Variants in ELK3 observed in about 807,000 individuals in gnomAD.
ELK3 encodes ETS domain-containing protein Elk-3.
In ELK3, 10 loss-of-function variants were observed where a neutral mutation model predicts 28.9. That is an observed-to-expected ratio of 0.35 (90% CI 0.21 to 0.59). The LOEUF is 0.59. ELK3 is among the 20% of genes least tolerant of loss of function. The pLI is 0.82. For synonymous variants in ELK3, 272 were observed against 243.5 expected (o/e 1.12, Z -1.09); for missense variants, 463 against 517.3 (o/e 0.90, Z 1.02).
chr12:96,233,941 G>A (rs377449169), intron 2 of ELK3, among the ~76,000 whole-genome samples: 5 of 152,336 alleles, frequency 3.3e-5, no homozygotes, highest in African/African-American at 1.2e-4. Context: ...TCAGATGGTT[G>A]GAAGCATAAC....
intron 2 of ELK3, among the ~76,000 whole-genome samples, chr12:96,243,913 G>T (rs1322502894): frequency 6.7e-6 from 1 of 148,984 alleles, no homozygotes; most frequent in East Asian, 2.0e-4. Flanking sequence ...GGCTGGGGCA[G>T]AAGAATCGCT....
At chr12:96,204,559 C>T (rs987606620) in intron 1 of ELK3, among the ~76,000 whole-genome samples, 7 of 152,092 alleles carry the variant, frequency 4.6e-5, no homozygotes, top group Admixed American at 1.3e-4. Context: ...TCTCCTTGCA[C>T]GTAATTGTCA....
At chr12:96,209,133 G>T (rs1951559304) in intron 1 of ELK3, among the ~76,000 whole-genome samples, 1 of 152,252 alleles carries the variant, frequency 6.6e-6, no homozygotes, top group Non-Finnish European at 1.5e-5. Context: ...AGACAGGGCA[G>T]ACGTGATGTT....
At chr12:96,235,232 C>T (rs1220708588) in intron 2 of ELK3, among the ~76,000 whole-genome samples, 1 of 136,720 alleles carries the variant, frequency 7.3e-6, no homozygotes, top group Non-Finnish European at 1.6e-5. Flanking sequence ...TCTTCTCAGG[C>T]CCCCTCCTTC....
chr12:96,229,741 A>G (rs555178933), intron 2 of ELK3, among the ~76,000 whole-genome samples: 4 of 151,924 alleles, frequency 2.6e-5, no homozygotes, highest in Non-Finnish European at 5.9e-5. Context: ...TATGTTGGCC[A>G]GGCTGGTTTT....
intron 3 of ELK3, among the ~76,000 whole-genome samples, chr12:96,251,734 C>T (rs956571146): frequency 6.6e-6 from 1 of 152,182 alleles, no homozygotes; most frequent in Non-Finnish European, 1.5e-5. Flanking sequence ...GAGCAAGGCC[C>T]TAACTCTTCA....
intron 1 of ELK3, among the ~76,000 whole-genome samples, chr12:96,204,440 A>G (rs1951527156): frequency 6.6e-6 from 1 of 152,232 alleles, no homozygotes; most frequent in Non-Finnish European, 1.5e-5. Flanking sequence ...TAAACACCCA[A>G]ACGGGGGAGG....
intron 1 of ELK3, among the ~76,000 whole-genome samples, chr12:96,197,452 C>T (rs976123508): frequency 1.3e-5 from 2 of 152,168 alleles, no homozygotes; most frequent in African/African-American, 2.4e-5. Flanking sequence ...CTCTTTAACA[C>T]GCATTCAGTC....
At chr12:96,196,532 A>G (rs980946152) in intron 1 of ELK3, among the ~76,000 whole-genome samples, 1 of 151,988 alleles carries the variant, frequency 6.6e-6, no homozygotes, top group South Asian at 2.1e-4. Flanking sequence ...CATGGCACCC[A>G]TTTATTTGGA....
At chr12:96,202,722 T>A (rs1398337901) in intron 1 of ELK3, among the ~76,000 whole-genome samples, 1 of 152,038 alleles carries the variant, frequency 6.6e-6, no homozygotes, top group Non-Finnish European at 1.5e-5. Context: ...AGACAGGGTT[T>A]CGCCATGTTG....
intron 2 of ELK3, among the ~76,000 whole-genome samples, chr12:96,229,665 G>C (rs1480093114): frequency 7.3e-5 from 11 of 151,694 alleles, no homozygotes. Context: ...CTGAGTAGCT[G>C]GGACTACAGG....
At chr12:96,214,719 C>A (rs553376025) in intron 1 of ELK3, among the ~76,000 whole-genome samples, 1 of 152,078 alleles carries the variant, frequency 6.6e-6, no homozygotes, top group Non-Finnish European at 1.5e-5. Flanking sequence ...TAAAAAACTT[C>A]AGAACTTGTA....
intron 2 of ELK3, among the ~76,000 whole-genome samples, chr12:96,228,415 TCAAAA>T (rs1455571068): frequency 6.1e-5 from 2 of 32,930 alleles, no homozygotes; most frequent in Non-Finnish European, 9.8e-5. Flanking sequence ...AGACTCTGTG[TCAAAA>T]AAAAAAAAAA....
chr12:96,228,753 T>C (rs1360550223), intron 2 of ELK3, among the ~76,000 whole-genome samples: 1 of 152,196 alleles, frequency 6.6e-6, no homozygotes, highest in Non-Finnish European at 1.5e-5. Context: ...TTCTGGACTG[T>C]CTTAGTGACT....
chr12:96,229,466 G>A (rs1049634946), intron 2 of ELK3, among the ~76,000 whole-genome samples: 2 of 151,264 alleles, frequency 1.3e-5, no homozygotes, highest in Non-Finnish European at 2.9e-5. Context: ...AGCCTCACTC[G>A]GATCGCTGCC....
chr12:96,198,924 A>G (rs541628668), intron 1 of ELK3, among the ~76,000 whole-genome samples: 30 of 152,362 alleles, frequency 2.0e-4, no homozygotes, highest in South Asian at 1.7e-3. Context: ...TAGAGCTTCT[A>G]TTTATTGATC....
intron 4 of ELK3, among the ~76,000 whole-genome samples, chr12:96,262,108 T>A (rs1951997763): frequency 6.7e-6 from 1 of 150,188 alleles, no homozygotes; most frequent in South Asian, 2.1e-4. Context: ...AATTTCCACC[T>A]CCTGGGTCCA....
intron 3 of ELK3, among the ~76,000 whole-genome samples, chr12:96,256,277 G>A (rs1478902534): frequency 6.6e-6 from 1 of 152,186 alleles, no homozygotes; most frequent in East Asian, 1.9e-4. Flanking sequence ...TTATCGGAAG[G>A]CATTTTGCAT....
At chr12:96,254,791 G>GA (rs1951934925) in intron 3 of ELK3, among the ~76,000 whole-genome samples, 2 of 152,110 alleles carry the variant, frequency 1.3e-5, no homozygotes, top group African/African-American at 4.8e-5. Context: ...GATGGAGGAA[G>GA]AATGTCCAGA....
Sources: gnomAD v4.1 joint callset for allele counts (sites outside exome capture counted in the v4.1 genomes callset) on GRCh38, gnomAD v4.1.1 for gene constraint, MANE v1.5 for transcripts, NCBI Gene and HGNC (gene_info 2026-07-23, HGNC 2026-07-21) for gene names.